Variants in CCDC178 observed in about 807,000 individuals in gnomAD.
CCDC178 encodes coiled-coil domain containing 178.
Under a neutral mutation model 117.4 loss-of-function variants are expected in CCDC178, and 126 were observed. That is an observed-to-expected ratio of 1.07 (90% CI 0.93 to 1.24). The LOEUF is 1.24. CCDC178 is among the 50% of genes most tolerant of loss of function. The pLI is 0.00. For synonymous variants in CCDC178, 283 were observed against 313.4 expected (o/e 0.90, Z 1.02); for missense variants, 1,030 against 986.9 (o/e 1.04, Z -0.59).
At chr18:33,111,792 G>C (rs1199865584) in intron 20 of CCDC178, among the ~76,000 whole-genome samples, 2 of 151,592 alleles carry the variant, frequency 1.3e-5, no homozygotes, top group Non-Finnish European at 3.0e-5. Flanking sequence ...TGATTATAAA[G>C]ATAAAATAAC....
At chr18:33,221,633 C>A (rs1355184509) in intron 18 of CCDC178, among the ~76,000 whole-genome samples, 1 of 152,056 alleles carries the variant, frequency 6.6e-6, no homozygotes, top group Non-Finnish European at 1.5e-5. Flanking sequence ...TTGAACTATA[C>A]TTCTTTTGTA....
intron 20 of CCDC178, among the ~76,000 whole-genome samples, chr18:33,182,014 TA>T (rs1283315818): frequency 6.6e-6 from 1 of 151,826 alleles, no homozygotes; most frequent in African/African-American, 2.4e-5. Flanking sequence ...AGCTTATATA[TA>T]AAAGAAATTT....
At chr18:33,206,092 A>T (rs1453984857) in intron 20 of CCDC178, among the ~76,000 whole-genome samples, 1 of 152,236 alleles carries the variant, frequency 6.6e-6, no homozygotes, top group East Asian at 1.9e-4. Context: ...TTTTTTAAAT[A>T]ATGATTTATG....
At chr18:33,291,343 C>A (rs2144868128) in intron 12 of CCDC178, among the ~76,000 whole-genome samples, 1 of 152,050 alleles carries the variant, frequency 6.6e-6, no homozygotes, top group East Asian at 1.9e-4. Flanking sequence ...TATTTAGTAT[C>A]CATGATATAT....
At chr18:33,094,352 C>T (rs1598876857) in intron 20 of CCDC178, among the ~76,000 whole-genome samples, 1 of 151,888 alleles carries the variant, frequency 6.6e-6, no homozygotes, top group South Asian at 2.1e-4. Flanking sequence ...AGATTCTTTT[C>T]AAAAGATAGC....
chr18:33,395,653 G>A (rs187546802), intron 4 of CCDC178, among the ~76,000 whole-genome samples: 1 of 152,094 alleles, frequency 6.6e-6, no homozygotes, highest in African/African-American at 2.4e-5. Context: ...GTGCCATATC[G>A]GTACAGTGCT....
At chr18:33,073,156 T>C (rs1412272388) in intron 21 of CCDC178, among the ~76,000 whole-genome samples, 5 of 151,550 alleles carry the variant, frequency 3.3e-5, no homozygotes. Context: ...AAAATAAATA[T>C]AATAAAAATA....
At chr18:33,136,670 A>G (rs2058130785) in intron 20 of CCDC178, among the ~76,000 whole-genome samples, 1 of 152,162 alleles carries the variant, frequency 6.6e-6, no homozygotes, top group Non-Finnish European at 1.5e-5. Flanking sequence ...GTTTAACTCA[A>G]TTTACAAATT....
In CCDC178 at chr18:33,333,261, G is replaced by A. The variant is rs1288362571; in HGVS notation, c.792C>T (p.Asp264=). The change falls in exon 10 of 23, where the codon GAC becomes GAT. Residue 264 remains aspartate (D), a synonymous_variant. Transcript: ENST00000383096. ...GTAGAGGGCCATGTTCATTCATGTA[G>A]TCTATGTCTGCTTGAATCTTTGCAT... ...EANAKIQADI[D]YMNEHGPLLD... 6.2e-7 allele frequency: 1 copy of A among 1,612,616 alleles called. No homozygotes were observed. Among genetic ancestry groups the A allele is most frequent in the Non-Finnish European group, 8.5e-7 (1 of 1,179,180 alleles).
chr18:33,086,233 A>G (rs1598867402), intron 21 of CCDC178, among the ~76,000 whole-genome samples: 1 of 152,060 alleles, frequency 6.6e-6, no homozygotes, highest in East Asian at 1.9e-4. Context: ...CAAAGAACAT[A>G]TTTATTTGAA....
At chr18:33,235,062 C>G (rs1343853448) in intron 15 of CCDC178, among the ~76,000 whole-genome samples, 1 of 152,104 alleles carries the variant, frequency 6.6e-6, no homozygotes, top group Admixed American at 6.5e-5. Flanking sequence ...AAGGTTCTGA[C>G]TTTTATTTTA....
At chr18:33,426,561 C>G (rs1358080766) in intron 2 of CCDC178, among the ~76,000 whole-genome samples, 3 of 152,238 alleles carry the variant, frequency 2.0e-5, no homozygotes, top group Non-Finnish European at 4.4e-5. Flanking sequence ...GACAAGCCAT[C>G]TGCTTCCATG....
intron 14 of CCDC178, among the ~76,000 whole-genome samples, chr18:33,250,461 C>T (rs2059608185): frequency 6.6e-6 from 1 of 151,458 alleles, no homozygotes; most frequent in Admixed American, 6.6e-5. Context: ...GACTAAACCA[C>T]TCAAAAATTT....
At chr18:33,280,973 C>T (rs1419481681) in intron 12 of CCDC178, among the ~76,000 whole-genome samples, 2 of 151,806 alleles carry the variant, frequency 1.3e-5, no homozygotes, top group South Asian at 4.2e-4. Context: ...CGCGGGGGAG[C>T]GATAGCATTA....
intron 14 of CCDC178, among the ~76,000 whole-genome samples, chr18:33,258,130 C>T (rs955916336): frequency 1.3e-5 from 2 of 152,022 alleles, no homozygotes; most frequent in Non-Finnish European, 2.9e-5. Flanking sequence ...CTTAAATGCA[C>T]CAAAGTCCAT....
In CCDC178 at chr18:33,296,883, G is replaced by T. The variant is rs765850535; in HGVS notation, c.1023-3571C>A. Among the ~76,000 whole-genome samples, 161 of 152,086 alleles carry T rather than the reference G, an allele frequency of 1.1e-3. 3 individuals are homozygous for T. Among genetic ancestry groups the T allele is most frequent in the Non-Finnish European group, 3.7e-4 (25 of 68,008 alleles). On this transcript the variant is annotated intron_variant, in intron 11 of 22. Coordinates refer to ENST00000383096, the MANE Select transcript of CCDC178 (RefSeq NM_001105528.4). ...CTACTAAAAATACAAAATTAGCCGAGAGTGGTGTCGTACACCTGTAATCCC... is the reference window on the plus strand; with the variant it reads ...CTACTAAAAATACAAAATTAGCCGATAGTGGTGTCGTACACCTGTAATCCC...
Position 33,095,154 on chromosome 18 carries a change from TTTTA to T in CCDC178, c.2239-2248_2239-2245del, listed in dbSNP as rs1340821152. Among the ~76,000 whole-genome samples the T allele has an allele frequency of 3.3e-5, 5 of 152,098 alleles. No individual in the cohort carries two copies. In the East Asian group the frequency reaches 7.7e-4, roughly 24 times the overall value. ...TAGAATTCTTCTTTTTTTTCACTTC[TTTTA>T]TTTTCCATACTATTACATTCACTCA... is the stretch of plus-strand genomic sequence containing the variant. On this transcript the variant is annotated intron_variant, in intron 20 of 22. Transcript: ENST00000383096.
chr18:33,396,093 TA>T (rs1468006401), intron 4 of CCDC178, among the ~76,000 whole-genome samples: 3 of 152,026 alleles, frequency 2.0e-5, no homozygotes, highest in African/African-American at 7.2e-5. Context: ...AAGAAATTCC[TA>T]AAAATCAATG....
chr18:33,221,767 T>C (rs1267415065), intron 18 of CCDC178, among the ~76,000 whole-genome samples: 3 of 152,034 alleles, frequency 2.0e-5, no homozygotes, highest in African/African-American at 7.2e-5. Context: ...ACTATGAAAG[T>C]CAATCCTTTA....
Sources: allele counts gnomAD v4.1 joint callset (sites outside exome capture counted in the v4.1 genomes callset), GRCh38; gene constraint gnomAD v4.1.1; transcripts MANE v1.5; gene names NCBI Gene and HGNC (gene_info 2026-07-23, HGNC 2026-07-21).